Variants in TOPBP1 observed in about 807,000 individuals in gnomAD.
TOPBP1 encodes the protein DNA topoisomerase II binding protein 1, also known as DNA topoisomerase 2-binding protein 1.
In TOPBP1, 28 loss-of-function variants were observed where a neutral mutation model predicts 167.7. The observed-to-expected ratio is 0.17, with a 90% CI of 0.12 to 0.23. The LOEUF is 0.23. Among genes scored for constraint, TOPBP1 ranks in the 10% least tolerant of loss-of-function variants. TOPBP1 has a pLI of 1.00. For synonymous variants in TOPBP1, 598 were observed against 611.4 expected (o/e 0.98, Z 0.32); for missense variants, 1,554 against 1,809.6 (o/e 0.86, Z 2.56).
In TOPBP1 at chr3:133,630,182, G is replaced by A. The variant is rs368470294; in HGVS notation, c.2521-1449C>T. Among the ~76,000 whole-genome samples, 31 of 151,370 alleles carry A rather than the reference G, an allele frequency of 2.0e-4. No homozygotes were observed. In the East Asian group the frequency reaches 2.5e-3, roughly 12 times the overall value. On this transcript the variant is annotated intron_variant, in intron 14 of 27. Coordinates refer to ENST00000260810, the MANE Select transcript of TOPBP1 (RefSeq NM_007027.4). ...TGTTAGTCTTTTTTTTAATATATTC[G>A]CTTGTATGAATATACTTTTATATTC...
rs368975714 is a variant in TOPBP1, at chr3:133,661,017, C to T, written c.84+27G>A. On this transcript the variant is annotated intron_variant, in intron 2 of 27. Transcript: ENST00000260810. ...ACTTAAAAACAAGAAAATGAATTCA[C>T]GGTATTAAGATGTTTTCAACTCTTA... is the stretch of plus-strand genomic sequence containing the variant. 4.6e-5 allele frequency: 69 copies of T among 1,486,570 alleles called. 2 individuals are homozygous for T. Among genetic ancestry groups the T allele is most frequent in the East Asian group, 1.4e-4 (6 of 42,866 alleles). The allele number at this position is 1,486,570 out of a possible 1,614,324, so 92.1% of individuals were successfully genotyped here.
intron 3 of TOPBP1, among the ~76,000 whole-genome samples, chr3:133,658,478 A>AG (rs955071847): frequency 6.6e-6 from 1 of 151,806 alleles, no homozygotes; most frequent in African/African-American, 2.4e-5. Context: ...AAAGAAAAAA[A>AG]AAAAGAAAAG....
At chr3:133,645,628 G>T (rs377079966) in intron 10 of TOPBP1, among the ~76,000 whole-genome samples, 1 of 152,128 alleles carries the variant, frequency 6.6e-6, no homozygotes, top group Non-Finnish European at 1.5e-5. Context: ...GGTAAGATGG[G>T]AAGGAGGAAG....
At chr3:133,611,252 T>A in intron 24 of TOPBP1, 111 bp from the exon 25 acceptor site, 4 of 941,188 alleles carry the variant, frequency 4.2e-6, no homozygotes, top group Non-Finnish European at 5.9e-6. Context: ...GCTATACATT[T>A]AATTGTTACA....
intron 6 of TOPBP1, 134 bp from the exon 7 acceptor site, chr3:133,653,658 C>T (rs1936378501): frequency 5.8e-6 from 4 of 693,022 alleles, no homozygotes; most frequent in Non-Finnish European, 8.5e-6. Context: ...GATGGAGTCT[C>T]ACTCTGTTGC....
intron 13 of TOPBP1, 25 bp from the exon 14 acceptor site, chr3:133,638,187 C>T (rs1178093706): frequency 1.2e-6 from 2 of 1,604,592 alleles, no homozygotes; most frequent in African/African-American, 2.7e-5. Flanking sequence ...TGAAAAGAAA[C>T]AAATATGAGC....
rs1332974300 is a variant in TOPBP1 at position 133,628,461 on chromosome 3, G to A, written c.2705C>T (p.Pro902Leu). 6.2e-7 allele frequency: 1 copy of A among 1,610,580 alleles called. No individual in the cohort carries two copies. Among genetic ancestry groups the A allele is most frequent in the East Asian group, 2.2e-5 (1 of 44,796 alleles). ...KEAQSEKEEA[P>L]KPLHKVVVCV... Reference sequence around the variant, plus strand: ...TACCACTACTTTGTGAAGTGGCTTTGGGGCTTCTTCCTGTCCATGGAAAAT... The same window carrying A: ...TACCACTACTTTGTGAAGTGGCTTTAGGGCTTCTTCCTGTCCATGGAAAAT... Residue 902 changes from proline to leucine, a missense_variant, in exon 16 of 28, where the codon CCA becomes CTA. Physicochemically the swap from Pro to Leu is moderately conservative, Grantham distance 98. Coordinates refer to ENST00000260810, the MANE Select transcript of TOPBP1 (RefSeq NM_007027.4).
At chr3:133,603,839 T>C (rs1314045606) in intron 27 of TOPBP1, among the ~76,000 whole-genome samples, 2 of 151,944 alleles carry the variant, frequency 1.3e-5, no homozygotes, top group African/African-American at 2.4e-5. Flanking sequence ...TATTAACCTA[T>C]TTGATATTTT....
intron 7 of TOPBP1, among the ~76,000 whole-genome samples, chr3:133,653,131 G>A (rs1315501477): frequency 1.3e-5 from 2 of 152,120 alleles, no homozygotes; most frequent in African/African-American, 2.4e-5. Context: ...CATTACAACA[G>A]AGTATAAAAG....
chr3:133,649,489 T>C lies in TOPBP1; in HGVS notation c.1398A>G (p.Lys466=), dbSNP rs1164103681. 1 of 1,613,966 alleles carries C rather than the reference T, an allele frequency of 6.2e-7. No homozygotes were observed. Among genetic ancestry groups the C allele is most frequent in the South Asian group, 1.1e-5 (1 of 91,082 alleles). The change falls in exon 10 of 28, where the codon AAA becomes AAG. Residue 466 remains lysine (K), a synonymous_variant. Transcript: ENST00000260810. ...HKPESKAALL[K]KKNSSFSKKD... ...TCTTAGAGAAGCTGCTGTTCTTCTT[T>C]TTTAAAAGAGCTGCTTTACTTTCAG...
chr3:133,640,501 C>T (rs1935860660), intron 12 of TOPBP1, among the ~76,000 whole-genome samples: 1 of 152,176 alleles, frequency 6.6e-6, no homozygotes, highest in Non-Finnish European at 1.5e-5. Context: ...ACCTCCGCCT[C>T]CCAGGCTCAA....
chr3:133,604,370 CAA>C (rs1206912442), intron 27 of TOPBP1, among the ~76,000 whole-genome samples: 2 of 151,662 alleles, frequency 1.3e-5, no homozygotes, highest in African/African-American at 4.8e-5. Flanking sequence ...CCCCTGACCT[CAA>C]GTGATCTGCC....
intron 4 of TOPBP1, 140 bp downstream of exon 4, chr3:133,657,658 C>T: frequency 1.9e-6 from 1 of 525,320 alleles, no homozygotes; most frequent in Admixed American, 4.3e-5. Flanking sequence ...CATATATACA[C>T]ACTGTGGTTG....
At chr3:133,647,544 AC>A (rs745501166) in intron 10 of TOPBP1, among the ~76,000 whole-genome samples, 47 of 152,290 alleles carry the variant, frequency 3.1e-4, no homozygotes, top group Non-Finnish European at 6.2e-4. Context: ...GAAATAAAGA[AC>A]AAAAAATACA....
At chr3:133,625,761 T>A (rs1935247691) in intron 16 of TOPBP1, among the ~76,000 whole-genome samples, 1 of 151,314 alleles carries the variant, frequency 6.6e-6, no homozygotes, top group African/African-American at 2.4e-5. Flanking sequence ...GAAAAAGAAG[T>A]AAGAAGTACT....
chr3:133,628,480 G>A lies in TOPBP1; in HGVS notation c.2695-9C>T. 6.2e-7 allele frequency: 1 copy of A among 1,608,020 alleles called. No individual in the cohort carries two copies. The highest frequency in any genetic ancestry group is 1.1e-5 in the South Asian group (1 of 89,874). ...GGCTTTGGGGCTTCTTCCTGTCCAT[G>A]GAAAATAAAAGAAACAGATCAGTCA... On this transcript the variant is annotated splice_polypyrimidine_tract_variant and intron_variant, in intron 15 of 27. Coordinates refer to ENST00000260810, the MANE Select transcript of TOPBP1 (RefSeq NM_007027.4).
intron 2 of TOPBP1, among the ~76,000 whole-genome samples, chr3:133,659,966 T>C (rs1243156872): frequency 1.3e-5 from 2 of 152,168 alleles, no homozygotes; most frequent in East Asian, 3.8e-4. Flanking sequence ...GGCTCTCCAC[T>C]GAGAGAAAAA....
In TOPBP1 at chr3:133,649,911, T is replaced by C. The variant is rs746520525; in HGVS notation, c.1122A>G (p.Leu374=). Residue 374 remains leucine, a synonymous_variant, in exon 9 of 28, where the codon CTA becomes CTG. Transcript: ENST00000260810. ...IYLCGFSGRK[L]DKLRRLINSG... is the part of the protein sequence containing the mutation. ...TGTTAATAAGTCTTCTCAGTTTATC[T>C]AGCTTTCTGCCACTAAAACCGCAAA... 2.5e-6 allele frequency: 4 copies of C among 1,604,550 alleles called. No individual in the cohort carries two copies. Among genetic ancestry groups the C allele is most frequent in the Non-Finnish European group, 3.4e-6 (4 of 1,177,078 alleles).
At chr3:133,610,226 A>T (rs931346404) in intron 25 of TOPBP1, among the ~76,000 whole-genome samples, 1 of 152,190 alleles carries the variant, frequency 6.6e-6, no homozygotes, top group Non-Finnish European at 1.5e-5. Flanking sequence ...AACAGAAAGG[A>T]CATGCTGATT....
Sources: gnomAD v4.1 joint callset for allele counts (sites outside exome capture counted in the v4.1 genomes callset) on GRCh38, gnomAD v4.1.1 for gene constraint, MANE v1.5 for transcripts, NCBI Gene and HGNC (gene_info 2026-07-23, HGNC 2026-07-21) for gene names.